The following RPL34 variants were observed in gnomAD, a reference collection of about 807,000 sequenced individuals.
The protein encoded by RPL34 is ribosomal protein L34, also known as large ribosomal subunit protein eL34.
A neutral mutation model predicts 16.3 loss-of-function variants in RPL34; 2 were observed. The ratio of observed to expected loss-of-function variants is 0.12; its 90% CI spans 0.05 to 0.39. The LOEUF (loss-of-function observed/expected upper bound fraction) is 0.39, where lower values mean the gene tolerates loss of function less well. Among genes scored for constraint, RPL34 ranks in the 10% least tolerant of loss-of-function variants. The pLI, the probability that RPL34 is intolerant of heterozygous loss-of-function variation, is 0.99. For synonymous variants in RPL34, 47 were observed against 48.5 expected (o/e 0.97, Z 0.13); for missense variants, 82 against 148.8 (o/e 0.55, Z 2.33).
At chr4:108,629,481 T>C (rs1726112668), downstream of RPL34, among the ~76,000 whole-genome samples, 1 of 152,216 alleles carries the variant, frequency 6.6e-6, no homozygotes, top group African/African-American at 2.4e-5. Flanking sequence ...CAAAGAGCAT[T>C]GACGGGTGTG....
chr4:108,629,474 A>G (rs539183495), downstream of RPL34, among the ~76,000 whole-genome samples: 1 of 152,300 alleles, frequency 6.6e-6, no homozygotes, highest in Non-Finnish European at 1.5e-5. Flanking sequence ...TAGAAGACAA[A>G]GAGCATTGAC....
chr4:108,620,750 T>G (rs1043843634), intron 1 of RPL34, 150 bp downstream of exon 1: 1 of 154,678 alleles, frequency 6.5e-6, no homozygotes, highest in African/African-American at 2.4e-5. Context: ...GTGAGGAAGT[T>G]CCTTACTTTG....
chr4:108,622,699 G>A (rs1316177715), intron 4 of RPL34, 81 bp downstream of exon 4: 2 of 819,922 alleles, frequency 2.4e-6, no homozygotes, highest in African/African-American at 1.7e-5. Flanking sequence ...CAATGGTGAA[G>A]CAACTCATTT....
Position 108,625,170 on chromosome 4 carries a change from G to A in RPL34, c.312G>A (p.Val104=). The change falls in exon 5 of 5, where the codon GTG becomes GTA. Residue 104 remains valine (V), a synonymous_variant. Transcript: ENST00000394667. ...TTATCGAGGAGCAGAAAATCGTTGT[G>A]AAAGTGTTGAAGGCACAAGCACAGA... ...AFLIEEQKIV[V]KVLKAQAQSQ... 1 of 1,611,056 alleles carries A rather than the reference G, an allele frequency of 6.2e-7. No homozygotes were observed. The highest frequency in any genetic ancestry group is 1.1e-5 in the South Asian group (1 of 90,914).
chr4:108,623,661 C>T (rs533197797), intron 4 of RPL34, among the ~76,000 whole-genome samples: 34 of 152,294 alleles, frequency 2.2e-4, no homozygotes, highest in Admixed American at 7.2e-4. Flanking sequence ...CAGCCTCGAC[C>T]TCCCAAAGTG....
At chr4:108,622,365 C>A in intron 3 of RPL34, 150 bp from the exon 4 acceptor site, 1 of 808,954 alleles carries the variant, frequency 1.2e-6, no homozygotes, top group Non-Finnish European at 2.0e-6. Flanking sequence ...CTTTTTAAAC[C>A]AATCTGAGAA....
At chr4:108,626,467 T>TG (rs1309082417), downstream of RPL34, among the ~76,000 whole-genome samples, 1 of 150,162 alleles carries the variant, frequency 6.7e-6, no homozygotes, top group East Asian at 2.0e-4. Context: ...TTTTTTTTTT[T>TG]TGAAATGGAG....
intron 1 of RPL34, 34 bp downstream of exon 1, chr4:108,620,634 T>G (rs1271602207): frequency 3.7e-6 from 1 of 266,746 alleles, no homozygotes. Context: ...CTGTCTTTAT[T>G]TCCTTACCAA....
chr4:108,621,981 C>G lies in RPL34; in HGVS notation c.22C>G (p.Arg8Gly), dbSNP rs1725798544. ...CAGAATGGTCCAGCGTTTGACATAC[C>G]GACGTAGGCTTTCCTACAATACAGC... MVQRLTY[R>G]RRLSYNTASN... Residue 8 changes from arginine (R) to glycine (G), a missense_variant, in exon 2 of 5, where the codon CGA becomes GGA. By Grantham distance (125) the Arg-to-Gly change is moderately radical (BLOSUM62 -2). Transcript: ENST00000394667. The G allele has an allele frequency of 1.2e-6, 2 of 1,612,212 alleles. No individual in the cohort carries two copies. The highest frequency in any genetic ancestry group is 1.7e-6 in the Non-Finnish European group (2 of 1,179,230).
intron 4 of RPL34, among the ~76,000 whole-genome samples, chr4:108,623,523 C>T (rs556672412): frequency 6.6e-6 from 1 of 152,286 alleles, no homozygotes; most frequent in Admixed American, 6.5e-5. Flanking sequence ...AATTCTTCTG[C>T]CTCAGCCTCC....
At position 108,621,938 on chromosome 4, in the gene RPL34, ATTC is replaced by A. The variant is rs1560612290; in HGVS notation, c.-9-10_-9-8del. On this transcript the variant is annotated splice_polypyrimidine_tract_variant and intron_variant, in intron 1 of 4. Transcript: ENST00000394667. The stretch of plus-strand genomic sequence containing the variant: ...CAATGGAAAGATTTGATGTTACTCT[ATTC>A]TTAATTTAGGCACTCAGAATGGTCC... 6.4e-7 allele frequency: 1 copy of A among 1,566,874 alleles called. No homozygotes were observed.
downstream of RPL34, among the ~76,000 whole-genome samples, chr4:108,626,417 ATTC>A (rs1200040316): frequency 6.9e-6 from 1 of 145,590 alleles, no homozygotes; most frequent in Non-Finnish European, 1.5e-5. Context: ...GGCATGAGCC[ATTC>A]TTCTGCCCAA....
chr4:108,625,433 T>C, downstream of RPL34: 1 of 426,474 alleles, frequency 2.3e-6, no homozygotes, highest in Non-Finnish European at 4.3e-6. Flanking sequence ...TTGCCTAGGC[T>C]GGAGTACAAT....
intron 4 of RPL34, 139 bp downstream of exon 4, chr4:108,622,757 A>G (rs1324677730): frequency 1.9e-6 from 1 of 522,812 alleles, no homozygotes; most frequent in African/African-American, 2.0e-5. Flanking sequence ...TGGATAATTG[A>G]TGCTGCACAA....
chr4:108,621,896 GATTTT>G lies in RPL34; in HGVS notation c.-9-50_-9-46del. On this transcript the variant is annotated intron_variant, in intron 1 of 4. Transcript: ENST00000394667. ...AATAGACCACATGATACTGTTTTGAGATTTTATTTACTTTTACAATGGAAAGATTT... is the reference window on the plus strand; with the variant it reads ...AATAGACCACATGATACTGTTTTGAGATTTACTTTTACAATGGAAAGATTT... The G allele has an allele frequency of 2.5e-6, 3 of 1,187,604 alleles. No homozygotes were observed. The East Asian group carries it at 7.0e-5, about 28-fold the overall frequency. 73.6% of individuals were successfully genotyped at this position (1,187,604 alleles called of 1,614,324 possible).
downstream of RPL34, among the ~76,000 whole-genome samples, chr4:108,628,180 CAA>C: frequency 6.6e-6 from 1 of 152,144 alleles, no homozygotes; most frequent in Non-Finnish European, 1.5e-5. Flanking sequence ...CTGCCAATCC[CAA>C]AGATTGTTAA....
intron 3 of RPL34, 107 bp from the exon 4 acceptor site, chr4:108,622,408 C>A: frequency 1.1e-6 from 1 of 872,900 alleles, no homozygotes. Context: ...TAAATGAGTA[C>A]ACCATTTCCC....
intron 4 of RPL34, 64 bp from the exon 5 acceptor site, chr4:108,625,064 C>A: frequency 1.7e-6 from 2 of 1,153,148 alleles, no homozygotes; most frequent in South Asian, 1.3e-5. Flanking sequence ...TTTGCCTTCT[C>A]TGTGCTAAAT....
At chr4:108,629,139 G>A (rs1048699674), downstream of RPL34, among the ~76,000 whole-genome samples, 7 of 152,104 alleles carry the variant, frequency 4.6e-5, no homozygotes, top group Admixed American at 4.6e-4. Context: ...ATTTTTAATA[G>A]TTGAATGTTT....
Sources: gnomAD v4.1 joint callset for allele counts (sites outside exome capture counted in the v4.1 genomes callset) on GRCh38, gnomAD v4.1.1 for gene constraint, MANE v1.5 for transcripts, NCBI Gene and HGNC (gene_info 2026-07-23, HGNC 2026-07-21) for gene names.